Variants in PAX8 observed in about 807,000 individuals in gnomAD.
PAX8 encodes paired box protein Pax-8.
PAX8 carries 15 observed loss-of-function variants against 52.4 expected under a neutral mutation model. That is an observed-to-expected ratio of 0.29 (90% confidence interval 0.19 to 0.44). PAX8 has a LOEUF of 0.44. Among genes scored for constraint, PAX8 ranks in the 20% least tolerant of loss-of-function variants. PAX8 has a pLI of 1.00. For synonymous variants in PAX8, 284 were observed against 249.7 expected (o/e 1.14, Z -1.29); for missense variants, 554 against 602.5 (o/e 0.92, Z 0.84).
rs1236680556 is a variant in PAX8 at position 113,241,879 on chromosome 2, G to A, written c.601+129C>T. 13 of 1,410,090 alleles carry A rather than the reference G, an allele frequency of 9.2e-6. No individual in the cohort carries two copies. The Admixed American group carries it at 1.9e-4, about 20-fold the overall frequency. The allele number at this position is 1,410,090 out of a possible 1,614,324, so 87.3% of individuals were successfully genotyped here. Reference sequence around the variant, plus strand: ...GGAGCCTTGGCCAACTGAGGGACAGGACATGTGACAGTCACATGCAGAGCC... The same window carrying A: ...GGAGCCTTGGCCAACTGAGGGACAGAACATGTGACAGTCACATGCAGAGCC... On this transcript the variant is annotated intron_variant, in intron 6 of 11. Coordinates refer to ENST00000429538, the MANE Select transcript of PAX8 (RefSeq NM_003466.4).
chr2:113,216,479 G>C lies in PAX8; in HGVS notation c.*2054C>G. The C allele has an allele frequency of 4.3e-6, 1 of 231,104 alleles. No homozygotes were observed. Among genetic ancestry groups the C allele is most frequent in the Non-Finnish European group, 8.6e-6 (1 of 116,798 alleles). 14.3% of individuals were successfully genotyped at this position (231,104 alleles called of 1,614,324 possible). On this transcript the variant is annotated 3_prime_UTR_variant, in exon 12 of 12. Coordinates refer to ENST00000429538, the MANE Select transcript of PAX8 (RefSeq NM_003466.4). The stretch of plus-strand genomic sequence containing the variant: ...TGCCCATATTCACCTGGGCATCCCA[G>C]CTGCAGGCCCCTGCCCCCTTGTTCC...
intron 10 of PAX8, chr2:113,226,946 C>T (rs530200503): frequency 4.8e-4 from 707 of 1,470,136 alleles, no homozygotes; most frequent in Non-Finnish European, 6.0e-4. Flanking sequence ...AAGAAGGAGG[C>T]CGAGCTGGGG....
At chr2:113,244,402 C>A in intron 4 of PAX8, 25 bp downstream of exon 4, 1 of 1,590,696 alleles carries the variant, frequency 6.3e-7, no homozygotes. Flanking sequence ...CCCAGCCTGA[C>A]ACCAGAGGCT....
In PAX8 at chr2:113,235,380, C is replaced by T; in HGVS notation, c.1087+14G>A. The T allele has an allele frequency of 6.4e-7, 1 of 1,558,956 alleles. No homozygotes were observed. The highest frequency in any genetic ancestry group is 8.7e-7 in the Non-Finnish European group (1 of 1,151,702). ...CCGCCATAGCTGCATGGCCCCGGGA[C>T]CTCCCTGTCGTACCTGAGAGGAGGG... is the stretch of plus-strand genomic sequence containing the variant. On this transcript the variant is annotated intron_variant, in intron 9 of 11. Coordinates refer to ENST00000429538, the MANE Select transcript of PAX8 (RefSeq NM_003466.4).
At chr2:113,274,404 G>A (rs1422390346) in intron 2 of PAX8, 2 of 152,108 alleles carry the variant, frequency 1.3e-5, no homozygotes, top group Non-Finnish European at 2.9e-5. Context: ...AATGTATTTT[G>A]AAAGCAGGAT....
chr2:113,218,969 A>G (rs749319976), intron 11 of PAX8, among the ~76,000 whole-genome samples: 2 of 152,186 alleles, frequency 1.3e-5, no homozygotes, highest in Non-Finnish European at 2.9e-5. Context: ...TTGCCCAAAC[A>G]GTGCCAGGAC....
intron 2 of PAX8, chr2:113,269,325 T>TA (rs1473907739): frequency 6.6e-6 from 1 of 152,284 alleles, no homozygotes; most frequent in African/African-American, 2.4e-5. Context: ...AGATGGGGTT[T>TA]ACCTGTCAAC....
intron 2 of PAX8, among the ~76,000 whole-genome samples, chr2:113,252,191 T>G (rs1573493426): frequency 1.3e-5 from 2 of 152,250 alleles, no homozygotes; most frequent in South Asian, 4.1e-4. Context: ...GTCAAGGTGA[T>G]AGCTGAGCCT....
chr2:113,273,357 T>C (rs560829046), intron 2 of PAX8: 1 of 152,310 alleles, frequency 6.6e-6, no homozygotes, highest in African/African-American at 2.4e-5. Flanking sequence ...GGAGTCTTCT[T>C]GCGGCCCGGT....
In PAX8 at chr2:113,244,551, C is replaced by T; in HGVS notation, c.265G>A (p.Val89Met). 1 of 1,614,144 alleles carries T rather than the reference C, an allele frequency of 6.2e-7. No individual in the cohort carries two copies. Among genetic ancestry groups the T allele is most frequent in the Non-Finnish European group, 8.5e-7 (1 of 1,179,960 alleles). The change falls in exon 4 of 12, where the codon GTG becomes ATG. Residue 89 changes from valine (V) to methionine (M), a missense_variant. Transcript: ENST00000429538. The part of the protein sequence containing the change: ...SKPKVATPKV[V>M]EKIGDYKRQN... ...CGTTTGTAGTCCCCAATCTTCTCCA[C>T]CACCTTGGGGGTGGCCACCTTGGGC...
chr2:113,222,749 G>T (rs1048734077), intron 10 of PAX8, among the ~76,000 whole-genome samples: 1 of 152,040 alleles, frequency 6.6e-6, no homozygotes, highest in East Asian at 1.9e-4. Context: ...TCTGCCCCAT[G>T]GTCTCTGCCT....
chr2:113,251,756 C>A (rs1160705445), intron 2 of PAX8, among the ~76,000 whole-genome samples: 1 of 152,140 alleles, frequency 6.6e-6, no homozygotes, highest in Non-Finnish European at 1.5e-5. Context: ...CACTTATTGA[C>A]CAAAATTCTT....
At chr2:113,263,740 A>G (rs1450799396) in intron 2 of PAX8, among the ~76,000 whole-genome samples, 1 of 152,170 alleles carries the variant, frequency 6.6e-6, no homozygotes, top group Non-Finnish European at 1.5e-5. Context: ...GCAGGCAGGC[A>G]TGAGGGACTC....
intron 11 of PAX8, among the ~76,000 whole-genome samples, chr2:113,218,882 A>C (rs1689122716): frequency 6.6e-6 from 1 of 152,112 alleles, no homozygotes; most frequent in African/African-American, 2.4e-5. Flanking sequence ...CAATAGGGAG[A>C]GGGCAATAGA....
chr2:113,253,267 G>T (rs1283314059), intron 2 of PAX8, among the ~76,000 whole-genome samples: 1 of 152,056 alleles, frequency 6.6e-6, no homozygotes, highest in East Asian at 1.9e-4. Context: ...GGCCATCCTT[G>T]GTGATCCTAC....
chr2:113,227,056 CTATGAATAGGGCACAG>C, intron 10 of PAX8, 83 bp downstream of exon 10: 1 of 1,535,726 alleles, frequency 6.5e-7, no homozygotes, highest in Non-Finnish European at 8.7e-7. Flanking sequence ...TTTGGGAAGT[CTATGAATAGGGCACAG>C]TATGCCTCTT....
chr2:113,253,233 C>G (rs1331177765), intron 2 of PAX8, among the ~76,000 whole-genome samples: 1 of 152,160 alleles, frequency 6.6e-6, no homozygotes, highest in Non-Finnish European at 1.5e-5. Context: ...TCTCTTAGTT[C>G]TCAGTGTTTC....
chr2:113,218,817 A>G (rs1689116398), intron 11 of PAX8, among the ~76,000 whole-genome samples: 1 of 152,182 alleles, frequency 6.6e-6, no homozygotes. Flanking sequence ...GAATGAGAAC[A>G]GTGGCTTCTT....
Position 113,220,577 on chromosome 2 carries a change from C to T in PAX8, c.1190-399G>A, listed in dbSNP as rs530012364. On this transcript the variant is annotated intron_variant, in intron 10 of 11. Coordinates refer to ENST00000429538, the MANE Select transcript of PAX8 (RefSeq NM_003466.4). ...TGTGAGTGTAGGGCCCAGGGACTAA[C>T]TGCTCCTTCTGCTGCCTGGACCTTC... 4.6e-4 allele frequency: 84 copies of T among 181,094 alleles called. 1 individual carries two copies. The highest frequency in any genetic ancestry group is 1.9e-3 in the African/African-American group (79 of 42,546). 11.2% of individuals were successfully genotyped at this position (181,094 alleles called of 1,614,324 possible).
Sources: gnomAD v4.1 joint callset for allele counts (sites outside exome capture counted in the v4.1 genomes callset) on GRCh38, gnomAD v4.1.1 for gene constraint, MANE v1.5 for transcripts, NCBI Gene and HGNC (gene_info 2026-07-23, HGNC 2026-07-21) for gene names.